Variants in MGAT4C observed in about 807,000 individuals in gnomAD.
The protein encoded by MGAT4C is MGAT4 family member C.
In MGAT4C, 19 loss-of-function variants were observed where a neutral mutation model predicts 40.1. That is an observed-to-expected ratio of 0.47 (90% CI 0.33 to 0.70). The LOEUF (loss-of-function observed/expected upper bound fraction) is 0.70. Among genes scored for constraint, MGAT4C ranks in the 30% least tolerant of loss-of-function variants. The pLI is 0.02. For missense variants in MGAT4C, 491 were observed against 563.2 expected, an observed-to-expected ratio of 0.87 and a Z score of 1.30; for synonymous variants, 181 against 187.1, an observed-to-expected ratio of 0.97 and a Z score of 0.27.
chr12:86,297,808 C>A lies in MGAT4C; in HGVS notation c.-57+36257G>T, dbSNP rs114524555. Among the ~76,000 whole-genome samples the A allele has an allele frequency of 2.4e-3, 367 of 152,078 alleles. 1 individual carries two copies. Among genetic ancestry groups the A allele is most frequent in the African/African-American group, 8.2e-3 (341 of 41,486 alleles). ...CTATCTATTCAGACACACTATAAAGCCACATTAATACAAGCATGTTACCAA... is the reference window on the plus strand; with the variant it reads ...CTATCTATTCAGACACACTATAAAGACACATTAATACAAGCATGTTACCAA... On this transcript the variant is annotated intron_variant, in intron 4 of 7. Coordinates refer to the MGAT4C transcript ENST00000548651.
chr12:86,019,222 G>A (rs577271013), intron 2 of MGAT4C, among the ~76,000 whole-genome samples: 1 of 152,108 alleles, frequency 6.6e-6, no homozygotes, highest in East Asian at 1.9e-4. Context: ...CTTTCAAAGG[G>A]CTATAAAATA....
chr12:86,243,690 A>G (rs1951889461), intron 1 of MGAT4C, among the ~76,000 whole-genome samples: 1 of 152,144 alleles, frequency 6.6e-6, no homozygotes, highest in South Asian at 2.1e-4. Context: ...TCCATCCTAC[A>G]GCTGCAAGAA....
chr12:86,480,469 C>T (rs1957914496), intron 2 of MGAT4C, among the ~76,000 whole-genome samples: 1 of 120,444 alleles, frequency 8.3e-6, no homozygotes, highest in African/African-American at 3.1e-5. Context: ...TACACATATA[C>T]ATATGTATGT....
intron 2 of MGAT4C, among the ~76,000 whole-genome samples, chr12:86,548,954 C>G (rs960884232): frequency 6.6e-6 from 1 of 152,160 alleles, no homozygotes; most frequent in Non-Finnish European, 1.5e-5. Flanking sequence ...CCTGGCTCTA[C>G]TGCTAACTGG....
chr12:85,990,465 T>C (rs1320982367), intron 2 of MGAT4C, among the ~76,000 whole-genome samples: 1 of 152,106 alleles, frequency 6.6e-6, no homozygotes, highest in Admixed American at 6.5e-5. Context: ...ATGGATCTCC[T>C]TGGGTTTATC....
At chr12:86,059,385 T>C (rs966543965) in intron 1 of MGAT4C, among the ~76,000 whole-genome samples, 4 of 152,206 alleles carry the variant, frequency 2.6e-5, no homozygotes, top group African/African-American at 9.6e-5. Flanking sequence ...TTCTTCATCA[T>C]TTATTCATCT....
intron 1 of MGAT4C, among the ~76,000 whole-genome samples, chr12:86,809,259 A>T (rs1952423918): frequency 1.3e-5 from 2 of 152,104 alleles, no homozygotes; most frequent in Non-Finnish European, 2.9e-5. Context: ...TTTTCCATTC[A>T]GAGTAGTATT....
chr12:86,421,331 A>C (rs1956821877), intron 3 of MGAT4C, among the ~76,000 whole-genome samples: 1 of 152,216 alleles, frequency 6.6e-6, no homozygotes, highest in Non-Finnish European at 1.5e-5. Flanking sequence ...GGCCCATGGT[A>C]CATTCATCAA....
At chr12:86,838,330 G>C (rs1470011790) in intron 1 of MGAT4C, among the ~76,000 whole-genome samples, 2 of 152,108 alleles carry the variant, frequency 1.3e-5, no homozygotes, top group Non-Finnish European at 2.9e-5. Flanking sequence ...GGGTAAGTGA[G>C]TTTCCAAAGT....
At chr12:85,984,076 T>C (rs1436136778) in intron 3 of MGAT4C, among the ~76,000 whole-genome samples, 2 of 152,208 alleles carry the variant, frequency 1.3e-5, no homozygotes, top group Non-Finnish European at 1.5e-5. Flanking sequence ...TCCCACCATA[T>C]TGCCTGATTT....
At chr12:86,827,627 A>AG (rs1952833545) in intron 1 of MGAT4C, among the ~76,000 whole-genome samples, 1 of 151,476 alleles carries the variant, frequency 6.6e-6, no homozygotes, top group East Asian at 1.9e-4. Flanking sequence ...AACGAAAGAA[A>AG]AATGCCTTGG....
At chr12:86,125,126 C>T (rs981371383) in intron 1 of MGAT4C, among the ~76,000 whole-genome samples, 3 of 152,014 alleles carry the variant, frequency 2.0e-5, no homozygotes, top group Non-Finnish European at 2.9e-5. Flanking sequence ...AGGATGAAGG[C>T]GGGATCTGAC....
intron 4 of MGAT4C, among the ~76,000 whole-genome samples, chr12:86,292,909 AG>A (rs1213788618): frequency 6.6e-6 from 1 of 152,116 alleles, no homozygotes; most frequent in Non-Finnish European, 1.5e-5. Context: ...ATGGGATTAA[AG>A]GGCTTGTGCT....
At position 86,708,571 on chromosome 12, in the gene MGAT4C, C is replaced by G. The variant is rs1268467880; in HGVS notation, c.-229+18638G>C. Among the ~76,000 whole-genome samples, 5 of 152,088 alleles carry G rather than the reference C, an allele frequency of 3.3e-5. No individual in the cohort carries two copies. In the East Asian group the frequency reaches 9.7e-4, roughly 30 times the overall value. ...CCACTGACAGCTTGCATGGTGCACC[C>G]AGAAAAGCCACAGACACTCAGCGCT... On this transcript the variant is annotated intron_variant, in intron 2 of 7. Coordinates refer to the MGAT4C transcript ENST00000548651.
intron 1 of MGAT4C, among the ~76,000 whole-genome samples, chr12:86,815,486 C>G (rs2136221126): frequency 6.6e-6 from 1 of 151,050 alleles, no homozygotes; most frequent in East Asian, 2.0e-4. Flanking sequence ...CCAACAATCC[C>G]ACTACTGGGT....
chr12:86,499,668 ACAAT>A (rs1166757367), intron 2 of MGAT4C, among the ~76,000 whole-genome samples: 5 of 151,918 alleles, frequency 3.3e-5, no homozygotes, highest in African/African-American at 9.7e-5. Flanking sequence ...CTGGACTGGT[ACAAT>A]CACTTTCTAA....
chr12:86,072,682 G>A (rs954475008), intron 1 of MGAT4C, among the ~76,000 whole-genome samples: 2 of 152,114 alleles, frequency 1.3e-5, no homozygotes, highest in Admixed American at 6.6e-5. Flanking sequence ...CAGAGTGGAG[G>A]AGGATGGAAT....
intron 2 of MGAT4C, among the ~76,000 whole-genome samples, chr12:86,452,407 A>G (rs1957439665): frequency 1.4e-5 from 2 of 140,684 alleles, no homozygotes; most frequent in Non-Finnish European, 3.1e-5. Context: ...AACTAGGGCC[A>G]TTCTTGCTTA....
intron 4 of MGAT4C, among the ~76,000 whole-genome samples, chr12:86,312,467 A>G (rs1954103883): frequency 6.6e-6 from 1 of 152,158 alleles, no homozygotes; most frequent in Non-Finnish European, 1.5e-5. Context: ...TCACATTCAA[A>G]TTCTCATTCT....
Sources: gnomAD v4.1 joint callset for allele counts (sites outside exome capture counted in the v4.1 genomes callset) on GRCh38, gnomAD v4.1.1 for gene constraint, MANE v1.5 for transcripts, NCBI Gene and HGNC (gene_info 2026-07-23, HGNC 2026-07-21) for gene names.